Variants in NCALD observed in about 807,000 individuals in gnomAD.
The protein encoded by NCALD is neurocalcin delta.
Under a neutral mutation model 18.6 loss-of-function variants are expected in NCALD, and 10 were observed. That is an observed-to-expected ratio of 0.54 (90% confidence interval 0.33 to 0.91). The LOEUF (loss-of-function observed/expected upper bound fraction) is 0.91. Among genes scored for constraint, NCALD ranks in the 40% least tolerant of loss-of-function variants. The probability of loss-of-function intolerance (pLI) is 0.03; values close to 1 mark genes in which losing one functional copy is unlikely to be tolerated. For missense variants in NCALD, 184 were observed against 247.6 expected (o/e 0.74, Z 1.72); for synonymous variants, 88 against 87.4 (o/e 1.01, Z -0.04).
intron 3 of NCALD, chr8:101,691,106 C>T (rs577977506): frequency 4.3e-5 from 42 of 985,326 alleles, no homozygotes; most frequent in Middle Eastern, 5.2e-4. Context: ...GCTCTGCTCT[C>T]GGCAGGGAGG....
intron 1 of NCALD, among the ~76,000 whole-genome samples, chr8:102,042,015 G>C (rs545814649): frequency 1.3e-5 from 2 of 152,100 alleles, no homozygotes; most frequent in African/African-American, 4.8e-5. Flanking sequence ...TTTCCCCAAG[G>C]AAGAATTCCC....
chr8:101,795,415 C>G (rs1812602414), upstream of NCALD, among the ~76,000 whole-genome samples: 1 of 152,176 alleles, frequency 6.6e-6, no homozygotes, highest in Non-Finnish European at 1.5e-5. Context: ...AGTCCAAGAT[C>G]AAGGCTCCTA....
chr8:101,884,400 C>A (rs1335655819), intron 4 of NCALD, among the ~76,000 whole-genome samples: 2 of 152,212 alleles, frequency 1.3e-5, no homozygotes, highest in African/African-American at 4.8e-5. Context: ...TCCCTGCCAC[C>A]TAACACAGTG....
At chr8:101,914,016 C>T (rs779781138) in intron 3 of NCALD, among the ~76,000 whole-genome samples, 1 of 152,240 alleles carries the variant, frequency 6.6e-6, no homozygotes, top group Non-Finnish European at 1.5e-5. Flanking sequence ...TAGCATGGTA[C>T]ATTTATCACA....
chr8:102,069,769 A>G (rs1824121654), intron 1 of NCALD, among the ~76,000 whole-genome samples: 2 of 152,232 alleles, frequency 1.3e-5, no homozygotes, highest in East Asian at 1.9e-4. Context: ...TTGTTAAATG[A>G]CAGAAGCAGA....
chr8:101,943,422 T>C (rs1221101146), intron 2 of NCALD, among the ~76,000 whole-genome samples: 1 of 152,208 alleles, frequency 6.6e-6, no homozygotes, highest in Non-Finnish European at 1.5e-5. Context: ...GTTCCTCTTA[T>C]CAGGAACCTC....
chr8:101,788,173 A>T lies in NCALD; in HGVS notation c.-20+2689T>A, dbSNP rs529459804. On this transcript the variant is annotated intron_variant, in intron 1 of 3. Coordinates refer to ENST00000220931, the MANE Select transcript of NCALD (RefSeq NM_032041.3). Reference sequence around the variant, plus strand: ...AATAAAATCCGATGCGGTGGAACCGAATGTGGAAATGGGGTGATGGGTTTT... The same window carrying T: ...AATAAAATCCGATGCGGTGGAACCGTATGTGGAAATGGGGTGATGGGTTTT... Among the ~76,000 whole-genome samples the T allele has an allele frequency of 2.0e-5, 3 of 152,316 alleles. No homozygotes were observed. The South Asian group carries it at 6.2e-4, about 32-fold the overall frequency.
intron 2 of NCALD, among the ~76,000 whole-genome samples, chr8:101,712,910 A>G (rs1815878523): frequency 6.6e-6 from 1 of 152,222 alleles, no homozygotes; most frequent in African/African-American, 2.4e-5. Flanking sequence ...ACTTGAACTC[A>G]GCTCTGGACC....
intron 4 of NCALD, among the ~76,000 whole-genome samples, chr8:101,833,607 CTTGT>C (rs1814276954): frequency 1.3e-5 from 1 of 75,086 alleles, no homozygotes; most frequent in Non-Finnish European, 2.6e-5. Flanking sequence ...TTTTTTGTTT[CTTGT>C]TTTTTTTTTT....
chr8:101,844,522 A>G (rs879637258), intron 4 of NCALD, among the ~76,000 whole-genome samples: 17 of 152,040 alleles, frequency 1.1e-4, no homozygotes, highest in Non-Finnish European at 1.9e-4. Context: ...ATCATGCCCA[A>G]CTAATTTTTT....
chr8:101,864,817 A>C (rs1815700105), intron 4 of NCALD, among the ~76,000 whole-genome samples: 1 of 151,952 alleles, frequency 6.6e-6, no homozygotes, highest in African/African-American at 2.4e-5. Flanking sequence ...GCTGGTCTAG[A>C]ACTCCTGACC....
In NCALD at chr8:101,724,765, AG is replaced by A. The variant is rs574028995; in HGVS notation, c.-19-5118del. Among the ~76,000 whole-genome samples, 351 of 152,372 alleles carry A rather than the reference AG, an allele frequency of 2.3e-3. 3 individuals are homozygous for A. Among genetic ancestry groups the A allele is most frequent in the African/African-American group, 8.2e-3 (339 of 41,592 alleles). On this transcript the variant is annotated intron_variant, in intron 1 of 3. Transcript: ENST00000220931. ...TCAGAGAGGCTAGGTGACTTATTCC[AG>A]GTGACACTGCTTGTGAATGAGAGAG...
intron 2 of NCALD, among the ~76,000 whole-genome samples, chr8:102,016,290 A>G (rs1330564062): frequency 6.6e-6 from 1 of 152,192 alleles, no homozygotes; most frequent in Non-Finnish European, 1.5e-5. Context: ...TGCCTTGAAG[A>G]GAAGCAGGAA....
chr8:101,829,268 C>T (rs1311866993), intron 4 of NCALD, among the ~76,000 whole-genome samples: 3 of 152,144 alleles, frequency 2.0e-5, no homozygotes, highest in Admixed American at 2.0e-4. Context: ...CTGAATAACT[C>T]ATCTTAAATT....
intron 2 of NCALD, among the ~76,000 whole-genome samples, chr8:101,706,560 C>G (rs143308765): frequency 1.3e-5 from 2 of 152,226 alleles, no homozygotes; most frequent in Admixed American, 6.5e-5. Flanking sequence ...AAATCCTTGT[C>G]TATCTGAAAC....
At chr8:101,927,303 C>T (rs1197388418) in intron 2 of NCALD, among the ~76,000 whole-genome samples, 6 of 152,192 alleles carry the variant, frequency 3.9e-5, no homozygotes, top group South Asian at 2.1e-4. Context: ...GCAAAGTCCC[C>T]GATCTGGTGG....
chr8:101,690,872 A>G (rs887124930), intron 3 of NCALD: 1 of 985,368 alleles, frequency 1.0e-6, no homozygotes, highest in Non-Finnish European at 1.2e-6. Context: ...GCAGTCTCTC[A>G]GGGGTCGGCT....
intron 1 of NCALD, among the ~76,000 whole-genome samples, chr8:101,744,329 A>G (rs1810337943): frequency 6.6e-6 from 1 of 152,166 alleles, no homozygotes; most frequent in Non-Finnish European, 1.5e-5. Flanking sequence ...CCCAAAGCAA[A>G]TATATTTTTA....
intron 2 of NCALD, among the ~76,000 whole-genome samples, chr8:102,009,199 C>T (rs1208670840): frequency 6.6e-6 from 1 of 152,224 alleles, no homozygotes; most frequent in East Asian, 1.9e-4. Context: ...CAATCCCTAC[C>T]TACCAACTCT....
Sources: allele counts gnomAD v4.1 joint callset (sites outside exome capture counted in the v4.1 genomes callset), GRCh38; gene constraint gnomAD v4.1.1; transcripts MANE v1.5; gene names NCBI Gene and HGNC (gene_info 2026-07-23, HGNC 2026-07-21).